The following NALF1 variants were observed in gnomAD, a reference collection of about 807,000 sequenced individuals.
The protein encoded by NALF1 is family with sequence similarity 155 member A.
NALF1 carries 3 observed loss-of-function variants against 48.4 expected under a neutral mutation model. The observed-to-expected ratio is 0.06, with a 90% confidence interval of 0.03 to 0.16. NALF1 has a LOEUF of 0.16. Among genes scored for constraint, NALF1 ranks in the 10% least tolerant of loss-of-function variants. The pLI is 1.00. For synonymous variants in NALF1, 262 were observed against 245.7 expected (o/e 1.07, Z -0.62); for missense variants, 526 against 571.5 (o/e 0.92, Z 0.81).
intron 1 of NALF1, among the ~76,000 whole-genome samples, chr13:107,528,899 C>A (rs1049623378): frequency 6.6e-6 from 1 of 152,120 alleles, no homozygotes; most frequent in Non-Finnish European, 1.5e-5. Context: ...ACAATGAAAT[C>A]TTTTAATAAA....
rs571751648 is a variant in NALF1, at chr13:107,791,783, C to A, written c.915+73899G>T. 6.9e-4 allele frequency among the ~76,000 whole-genome samples: 105 copies of A among 151,568 alleles called. 1 individual carries two copies. The highest frequency in any genetic ancestry group is 2.3e-3 in the African/African-American group (97 of 41,322). On this transcript the variant is annotated intron_variant, in intron 1 of 2. Coordinates refer to ENST00000375915, the MANE Select transcript of NALF1 (RefSeq NM_001080396.3). ...CTGGCCAACGTGGTGATCCCCGCCC[C>A]CCCCCGTCTCTACTAAAAATACAAA...
chr13:107,604,446 T>C (rs1186791241), intron 1 of NALF1, among the ~76,000 whole-genome samples: 1 of 152,188 alleles, frequency 6.6e-6, no homozygotes, highest in Non-Finnish European at 1.5e-5. Context: ...AGCAGTGTAA[T>C]TCCAACCTGA....
intron 2 of NALF1, among the ~76,000 whole-genome samples, chr13:107,176,321 T>TAG (rs1381774210): frequency 1.8e-4 from 27 of 149,016 alleles, no homozygotes; most frequent in South Asian, 2.1e-4. Flanking sequence ...TCACAGTTTT[T>TAG]TTTTTTTTTT....
At position 107,819,683 on chromosome 13, in the gene NALF1, T is replaced by TTCTCTCTCTCTCTCTCTC. The variant is rs35254661; in HGVS notation, c.915+45981_915+45998dup. Reference sequence around the variant, plus strand: ...TGAATCTGCTGTCTCCAGCTGGAAATTCTCTCTCTCTCTCTCTCTCTCTCT... The same window carrying TTCTCTCTCTCTCTCTCTC: ...TGAATCTGCTGTCTCCAGCTGGAAATTCTCTCTCTCTCTCTCTCTCTCTCTCTCTCTCTCTCTCTCTCT... On this transcript the variant is annotated intron_variant, in intron 1 of 2. Coordinates refer to ENST00000375915, the MANE Select transcript of NALF1 (RefSeq NM_001080396.3). Among the ~76,000 whole-genome samples, 376 of 136,480 alleles carry TTCTCTCTCTCTCTCTCTC rather than the reference T, an allele frequency of 2.8e-3. 3 individuals are homozygous for TTCTCTCTCTCTCTCTCTC. The highest frequency in any genetic ancestry group is 0.011 in the Middle Eastern group (3 of 272). 89.5% of individuals were successfully genotyped at this position (136,480 alleles called of 152,430 possible).
At chr13:107,327,808 A>C (rs1882391990) in intron 1 of NALF1, among the ~76,000 whole-genome samples, 1 of 152,140 alleles carries the variant, frequency 6.6e-6, no homozygotes, top group South Asian at 2.1e-4. Context: ...TATCCTGGTG[A>C]CTGATTATGG....
chr13:107,237,816 T>A (rs1287255706), intron 1 of NALF1, among the ~76,000 whole-genome samples: 2 of 152,186 alleles, frequency 1.3e-5, no homozygotes, highest in East Asian at 3.9e-4. Flanking sequence ...TGCATATATG[T>A]ATATTGGGTG....
chr13:107,378,201 T>C (rs938279042), intron 1 of NALF1, among the ~76,000 whole-genome samples: 3 of 152,144 alleles, frequency 2.0e-5, no homozygotes, highest in African/African-American at 7.2e-5. Flanking sequence ...GAGAGAATGA[T>C]GAAATTTTAT....
intron 1 of NALF1, among the ~76,000 whole-genome samples, chr13:107,823,977 GTTATTA>G (rs138189827): frequency 3.0e-4 from 45 of 148,834 alleles, no homozygotes; most frequent in East Asian, 1.4e-3. Flanking sequence ...TACCATTGCT[GTTATTA>G]TTATTATTAT....
At chr13:107,721,991 T>C (rs1876000995) in intron 1 of NALF1, among the ~76,000 whole-genome samples, 1 of 152,224 alleles carries the variant, frequency 6.6e-6, no homozygotes, top group Admixed American at 6.5e-5. Context: ...CCCCCCCTCT[T>C]GCCTTTGAGT....
chr13:107,787,693 T>C (rs1878115816), intron 1 of NALF1, among the ~76,000 whole-genome samples: 1 of 152,208 alleles, frequency 6.6e-6, no homozygotes, highest in African/African-American at 2.4e-5. Flanking sequence ...TGAAGTTATG[T>C]TTTTAGAAAA....
chr13:107,574,164 A>C (rs918023243), intron 1 of NALF1, among the ~76,000 whole-genome samples: 6 of 152,152 alleles, frequency 3.9e-5, no homozygotes, highest in Admixed American at 3.9e-4. Flanking sequence ...GATGAAAGAG[A>C]AACAAATTTT....
intron 1 of NALF1, among the ~76,000 whole-genome samples, chr13:107,623,372 G>T (rs1879578450): frequency 6.6e-6 from 1 of 151,416 alleles, no homozygotes; most frequent in Admixed American, 6.6e-5. Flanking sequence ...GCAAGATTAG[G>T]TTATTTAAGG....
intron 1 of NALF1, among the ~76,000 whole-genome samples, chr13:107,292,166 C>G (rs1881633658): frequency 6.6e-6 from 1 of 151,972 alleles, no homozygotes; most frequent in Admixed American, 6.6e-5. Flanking sequence ...ATACTACAGG[C>G]AAATGCAAAA....
intron 1 of NALF1, among the ~76,000 whole-genome samples, chr13:107,404,853 C>T (rs1046149138): frequency 6.6e-6 from 1 of 152,000 alleles, no homozygotes. Context: ...TAGTAGACTG[C>T]AGCAAGGAAT....
intron 1 of NALF1, among the ~76,000 whole-genome samples, chr13:107,595,094 T>C (rs1478391050): frequency 2.0e-5 from 3 of 152,042 alleles, no homozygotes; most frequent in African/African-American, 7.2e-5. Flanking sequence ...TCAAGGAACA[T>C]GAACAGACAA....
At chr13:107,574,764 A>AT (rs1341732020) in intron 1 of NALF1, among the ~76,000 whole-genome samples, 1 of 152,184 alleles carries the variant, frequency 6.6e-6, no homozygotes, top group Non-Finnish European at 1.5e-5. Context: ...GGACACGCTG[A>AT]TTTCTCAATC....
At chr13:107,855,479 C>A (rs1472760841) in intron 1 of NALF1, among the ~76,000 whole-genome samples, 1 of 152,208 alleles carries the variant, frequency 6.6e-6, no homozygotes, top group Non-Finnish European at 1.5e-5. Flanking sequence ...CCCTGCTTTA[C>A]ACCAAGCTGC....
rs372720219 is a variant in NALF1 at position 107,538,678 on chromosome 13, G to A, written c.915+327004C>T. ...ATTGGACAATATATCTCAAGATTCT[G>A]TCATTGGAATCAGACCTCAGTTCAA... On this transcript the variant is annotated intron_variant, in intron 1 of 2. Coordinates refer to ENST00000375915, the MANE Select transcript of NALF1 (RefSeq NM_001080396.3). 4.6e-5 allele frequency among the ~76,000 whole-genome samples: 7 copies of A among 152,196 alleles called. No individual in the cohort carries two copies. In the South Asian group the frequency reaches 1.2e-3, roughly 27 times the overall value.
In NALF1 at chr13:107,608,902, A is replaced by G. The variant is rs529067524; in HGVS notation, c.915+256780T>C. On this transcript the variant is annotated intron_variant, in intron 1 of 2. Coordinates refer to ENST00000375915, the MANE Select transcript of NALF1 (RefSeq NM_001080396.3). The stretch of plus-strand genomic sequence containing the variant: ...AACGATGCTGCCGTGGGTTCCACGC[A>G]CTCAGCAAGAGTGGGACACCTGTGC... Among the ~76,000 whole-genome samples, 3 of 152,278 alleles carry G rather than the reference A, an allele frequency of 2.0e-5. No homozygotes were observed. The South Asian group carries it at 6.2e-4, about 32-fold the overall frequency.
Sources: allele counts gnomAD v4.1 joint callset (sites outside exome capture counted in the v4.1 genomes callset), GRCh38; gene constraint gnomAD v4.1.1; transcripts MANE v1.5; gene names NCBI Gene and HGNC (gene_info 2026-07-23, HGNC 2026-07-21).